The following GSDME variants were observed in gnomAD, a reference collection of about 807,000 sequenced individuals.
GSDME encodes the protein gasdermin E.
In GSDME, 44 loss-of-function variants were observed where a neutral mutation model predicts 47.5. That is an observed-to-expected ratio of 0.93 (90% CI 0.73 to 1.19). The LOEUF (loss-of-function observed/expected upper bound fraction) is 1.19. Ranked by LOEUF, GSDME falls within the 50% of genes most tolerant of loss-of-function variation. The pLI, the probability that GSDME is intolerant of heterozygous loss-of-function variation, is 0.00. For missense variants in GSDME, 663 were observed against 604.2 expected (o/e 1.10, Z -1.02); for synonymous variants, 258 against 252.8 (o/e 1.02, Z -0.20).
intron 9 of GSDME, among the ~76,000 whole-genome samples, chr7:24,700,295 C>T (rs1364092427): frequency 2.0e-5 from 3 of 152,132 alleles, no homozygotes; most frequent in Non-Finnish European, 4.4e-5. Context: ...AATTCCACTG[C>T]TCAACACATA....
At position 24,754,465 on chromosome 7, in the gene GSDME, A is replaced by G. The variant is rs193200611; in HGVS notation, c.-20+2931T>C. Among the ~76,000 whole-genome samples, 333 of 147,810 alleles carry G rather than the reference A, an allele frequency of 2.3e-3. 1 individual carries two copies. The highest frequency in any genetic ancestry group is 0.01 in the Middle Eastern group (3 of 292). On this transcript the variant is annotated intron_variant, in intron 1 of 9. Coordinates refer to ENST00000645220, the MANE Select transcript of GSDME (RefSeq NM_001127453.2). This position sits in a 1 kb window ranked among gnomAD's most constrained non-coding sequence, Gnocchi z 5.0. ...CTGCCATTGCACTCCAGCCTGGGCAACAAGAGCGAAACTTTGTCTCAAAAA... is the reference window on the plus strand; with the variant it reads ...CTGCCATTGCACTCCAGCCTGGGCAGCAAGAGCGAAACTTTGTCTCAAAAA...
the GSDME span, among the ~76,000 whole-genome samples, chr7:24,787,433 C>T: frequency 2.0e-5 from 3 of 152,132 alleles, no homozygotes; most frequent in African/African-American, 7.2e-5. The surrounding 1 kb of genome is among the most constrained non-coding windows in gnomAD (Gnocchi z 5.0). Context: ...AATGCTGATC[C>T]ACAAACCGTA....
At chr7:24,747,831 C>G (rs762762204) in intron 2 of GSDME, among the ~76,000 whole-genome samples, 1 of 151,938 alleles carries the variant, frequency 6.6e-6, no homozygotes, top group Non-Finnish European at 1.5e-5. Context: ...CCATGCCTGG[C>G]TAATTTTTCT....
the GSDME span, among the ~76,000 whole-genome samples, chr7:24,771,969 A>C: frequency 2.0e-4 from 31 of 152,218 alleles, no homozygotes; most frequent in Admixed American, 2.0e-3. This position sits in a 1 kb window ranked among gnomAD's most constrained non-coding sequence, Gnocchi z 4.1. Context: ...CACCTGATGC[A>C]GTCCCCTTGT....
At chr7:24,769,057 G>A in the GSDME span, among the ~76,000 whole-genome samples, 1 of 152,208 alleles carries the variant, frequency 6.6e-6, no homozygotes, top group Non-Finnish European at 1.5e-5. Flanking sequence ...ACCTGAAAGG[G>A]ACCTGGAAGT....
At chr7:24,789,035 A>C in the GSDME span, among the ~76,000 whole-genome samples, 1 of 152,114 alleles carries the variant, frequency 6.6e-6, no homozygotes, top group Non-Finnish European at 1.5e-5. Context: ...GTCTCTTTTT[A>C]AGTGTTTTCA....
At position 24,721,434 on chromosome 7, in the gene GSDME, G is replaced by C. The variant is rs1269687365; in HGVS notation, c.405-2216C>G. 6.6e-6 allele frequency among the ~76,000 whole-genome samples: 1 copy of C among 152,204 alleles called. No individual in the cohort carries two copies. Among genetic ancestry groups the C allele is most frequent in the Non-Finnish European group, 1.5e-5 (1 of 68,034 alleles). ...AAACAGGGACCCTGGAGCCTGCAGG[G>C]CTGGGGTTCGGATCTCAGCTCTGCC... On this transcript the variant is annotated intron_variant, in intron 3 of 9. Transcript: ENST00000645220. The surrounding 1 kb of genome is among the most constrained non-coding windows in gnomAD (Gnocchi z 4.1).
the GSDME span, among the ~76,000 whole-genome samples, chr7:24,771,656 G>A: frequency 1.3e-5 from 2 of 152,134 alleles, no homozygotes; most frequent in Admixed American, 6.6e-5. This position sits in a 1 kb window ranked among gnomAD's most constrained non-coding sequence, Gnocchi z 4.1. Context: ...GTTACAGAAG[G>A]GTACCCCAGA....
chr7:24,707,003 TGGAA>T (rs1468464215), intron 7 of GSDME, among the ~76,000 whole-genome samples: 1 of 152,224 alleles, frequency 6.6e-6, no homozygotes, highest in African/African-American at 2.4e-5. Flanking sequence ...ATTTTCCTCT[TGGAA>T]GAAGTTATTT....
rs552855922 is a variant in GSDME, at chr7:24,756,344, G to C, written c.-20+1052C>G. Among the ~76,000 whole-genome samples the C allele has an allele frequency of 2.6e-5, 4 of 152,320 alleles. No homozygotes were observed. The highest frequency in any genetic ancestry group is 5.9e-5 in the Non-Finnish European group (4 of 68,022). On this transcript the variant is annotated intron_variant, in intron 1 of 9. Transcript: ENST00000645220. The surrounding 1 kb of genome is among the most constrained non-coding windows in gnomAD (Gnocchi z 4.2). ...CCACTGCACTCCAGCCTTGGTGACA[G>C]AGCGAGACCCTCTCTCAACAATAAC...
chr7:24,714,724 GAGAA>G lies in GSDME; in HGVS notation c.697+2526_697+2529del, dbSNP rs1181725900. On this transcript the variant is annotated intron_variant, in intron 5 of 9. Transcript: ENST00000645220. This position sits in a 1 kb window ranked among gnomAD's most constrained non-coding sequence, Gnocchi z 5.0. ...GCTGTGTGTCTTTCAAACCCCATCT[GAGAA>G]AGAGAGGCTACCTCCACAGAGCTGC... 2.0e-5 allele frequency among the ~76,000 whole-genome samples: 3 copies of G among 152,354 alleles called. No individual in the cohort carries two copies. The highest frequency in any genetic ancestry group is 2.4e-5 in the African/African-American group (1 of 41,584).
the GSDME span, among the ~76,000 whole-genome samples, chr7:24,779,523 G>C: frequency 1.3e-5 from 2 of 151,790 alleles, no homozygotes; most frequent in Non-Finnish European, 1.5e-5. This position sits in a 1 kb window ranked among gnomAD's most constrained non-coding sequence, Gnocchi z 6.0. Context: ...GTGTGTGTGT[G>C]TGTGTGTCTG....
chr7:24,791,469 C>T, the GSDME span, among the ~76,000 whole-genome samples: 20 of 152,308 alleles, frequency 1.3e-4, no homozygotes, highest in East Asian at 3.5e-3. This position sits in a 1 kb window ranked among gnomAD's most constrained non-coding sequence, Gnocchi z 4.8. Context: ...ACTGCTGTGC[C>T]ACTGTTTTGG....
chr7:24,702,702 C>T lies in GSDME; in HGVS notation c.1257+58G>A, dbSNP rs374085372. ...GTTTTACCGGCTGCTGGATGTCTAC[C>T]CCCTCATCATTTCCCCATTCCTATC... On this transcript the variant is annotated intron_variant, in intron 9 of 9. Transcript: ENST00000645220. 2.4e-5 allele frequency: 34 copies of T among 1,423,684 alleles called. No individual in the cohort carries two copies. The East Asian group carries it at 2.8e-4, about 12-fold the overall frequency. The allele number at this position is 1,423,684 out of a possible 1,614,324, so 88.2% of individuals were successfully genotyped here. A position where few individuals can be genotyped will look rare whatever the true frequency, so the allele number is the denominator to read the frequency against.
rs1307810011 is a variant in GSDME, at chr7:24,725,451, C to T, written c.405-6233G>A. Among the ~76,000 whole-genome samples, 1 of 152,102 alleles carries T rather than the reference C, an allele frequency of 6.6e-6. No homozygotes were observed. The highest frequency in any genetic ancestry group is 1.5e-5 in the Non-Finnish European group (1 of 68,022). ...AGGACGAGCCGCAGACAAAACTCCT[C>T]AGATACCAAGTTAAACAAGGAAGGG... On this transcript the variant is annotated intron_variant, in intron 3 of 9. Transcript: ENST00000645220. This position sits in a 1 kb window ranked among gnomAD's most constrained non-coding sequence, Gnocchi z 5.1.
the GSDME span, among the ~76,000 whole-genome samples, chr7:24,767,822 A>G: frequency 2.0e-5 from 3 of 152,296 alleles, no homozygotes; most frequent in South Asian, 4.1e-4. This position sits in a 1 kb window ranked among gnomAD's most constrained non-coding sequence, Gnocchi z 5.3. Flanking sequence ...ATAACTCTCC[A>G]TTATTAGAAA....
chr7:24,781,597 G>A, the GSDME span, among the ~76,000 whole-genome samples: 5 of 152,058 alleles, frequency 3.3e-5, no homozygotes, highest in East Asian at 3.9e-4. Flanking sequence ...TTATGCTTTC[G>A]AAAACTATTA....
At position 24,749,767 on chromosome 7, in the gene GSDME, G is replaced by T. The variant is rs781204290; in HGVS notation, c.8C>A (p.Ala3Asp). ...TCTAAGAAAATTCCTGGTTGCTTTG[G>T]CAAACATTTTGAAAGCTCCAGATTA... MF[A>D]KATRNFLREV... Residue 3 changes from alanine to aspartate, a missense_variant, in exon 2 of 10, where the codon GCC becomes GAC. Transcript: ENST00000645220. The T allele has an allele frequency of 5.0e-6, 8 of 1,613,404 alleles. No homozygotes were observed. Among genetic ancestry groups the T allele is most frequent in the Middle Eastern group, 1.7e-4 (1 of 6,008 alleles).
chr7:24,763,427 C>T, the GSDME span, among the ~76,000 whole-genome samples: 1 of 151,528 alleles, frequency 6.6e-6, no homozygotes, highest in Non-Finnish European at 1.5e-5. The surrounding 1 kb of genome is among the most constrained non-coding windows in gnomAD (Gnocchi z 4.3). Flanking sequence ...TCAAACACTG[C>T]AATGTCATGA....
Sources: gnomAD v4.1 joint callset for allele counts (sites outside exome capture counted in the v4.1 genomes callset) on GRCh38, gnomAD v4.1.1 for gene constraint, Gnocchi (gnomAD v3.1) non-coding constraint, MANE v1.5 for transcripts, NCBI Gene and HGNC (gene_info 2026-07-23, HGNC 2026-07-21) for gene names.